SLC39A8: variants seen among roughly 807,000 people sequenced by gnomAD.
The protein encoded by SLC39A8 is metal cation symporter ZIP8.
SLC39A8 carries 15 observed loss-of-function variants against 40.4 expected under a neutral mutation model. The ratio of observed to expected loss-of-function variants is 0.37; its 90% CI spans 0.25 to 0.57. SLC39A8 has a LOEUF of 0.57. Ranked by LOEUF, SLC39A8 falls within the 20% of genes least tolerant of loss-of-function variation. The pLI is 0.75. For synonymous variants in SLC39A8, 223 were observed against 221.6 expected (o/e 1.01, Z -0.06); for missense variants, 472 against 558.8 (o/e 0.84, Z 1.57).
intron 6 of SLC39A8, among the ~76,000 whole-genome samples, chr4:102,268,676 G>A (rs1434146043): frequency 6.6e-6 from 1 of 152,168 alleles, no homozygotes. Context: ...GAGGGTTTAG[G>A]CTGTAACAAT....
intron 2 of SLC39A8, among the ~76,000 whole-genome samples, chr4:102,334,865 A>G (rs1166258577): frequency 2.6e-5 from 4 of 152,230 alleles, no homozygotes; most frequent in African/African-American, 9.6e-5. Context: ...AGTTTCCTCA[A>G]GGGAATAACA....
chr4:102,289,888 G>A (rs1733346217), intron 6 of SLC39A8, among the ~76,000 whole-genome samples: 1 of 152,124 alleles, frequency 6.6e-6, no homozygotes, highest in African/African-American at 2.4e-5. Context: ...ACGTTGAAAT[G>A]ACAACAAAGG....
chr4:102,341,294 A>T (rs1430791153), intron 2 of SLC39A8, among the ~76,000 whole-genome samples: 1 of 152,228 alleles, frequency 6.6e-6, no homozygotes, highest in Non-Finnish European at 1.5e-5. Flanking sequence ...GATAATTTAG[A>T]AAATAGGATC....
At chr4:102,269,527 A>G (rs917214381) in intron 6 of SLC39A8, among the ~76,000 whole-genome samples, 1 of 152,256 alleles carries the variant, frequency 6.6e-6, no homozygotes, top group African/African-American at 2.4e-5. Context: ...TGTGCTAGGC[A>G]CTGTTCTAAG....
intron 6 of SLC39A8, among the ~76,000 whole-genome samples, chr4:102,290,631 T>C (rs1213295938): frequency 6.6e-6 from 1 of 151,778 alleles, no homozygotes; most frequent in Non-Finnish European, 1.5e-5. Context: ...CATGGTTGAG[T>C]TTGTAGGTGT....
intron 2 of SLC39A8, among the ~76,000 whole-genome samples, chr4:102,326,157 G>T (rs1735189538): frequency 6.6e-6 from 1 of 152,176 alleles, no homozygotes; most frequent in Admixed American, 6.5e-5. Context: ...AAGATCAAAA[G>T]CCTTTGTTTC....
At chr4:102,313,955 C>T (rs1327651672) in intron 3 of SLC39A8, among the ~76,000 whole-genome samples, 2 of 151,960 alleles carry the variant, frequency 1.3e-5, no homozygotes, top group Non-Finnish European at 2.9e-5. Flanking sequence ...TGAAAGCAAT[C>T]TCCTCTCCAA....
Position 102,267,580 on chromosome 4 carries a change from A to G in SLC39A8, c.1143T>C (p.Ala381=). Residue 381 remains alanine, a synonymous_variant, in exon 8 of 9, where the codon GCT becomes GCC. Coordinates refer to ENST00000356736, the MANE Select transcript of SLC39A8 (RefSeq NM_001135146.2). ...LSACSCYVGL[A]FGILVGNNFA... is the part of the protein sequence containing the mutation. ...AATTGTTGCCCACCAAAATGCCAAA[A>G]GCTAGCCCAACATAGCAGGAACATG... 1 of 1,614,126 alleles carries G rather than the reference A, an allele frequency of 6.2e-7. No individual in the cohort carries two copies.
intron 6 of SLC39A8, among the ~76,000 whole-genome samples, chr4:102,303,201 C>A (rs1281198638): frequency 2.6e-5 from 4 of 151,982 alleles, no homozygotes; most frequent in South Asian, 2.1e-4. Flanking sequence ...GCTGAGTAAA[C>A]CTGGAGGGGT....
chr4:102,289,097 T>G (rs2149022586), intron 6 of SLC39A8, among the ~76,000 whole-genome samples: 1 of 152,190 alleles, frequency 6.6e-6, no homozygotes, highest in African/African-American at 2.4e-5. Flanking sequence ...TTGTTTGGGG[T>G]TAATGCAGCT....
chr4:102,281,206 C>T (rs956634618), intron 6 of SLC39A8, among the ~76,000 whole-genome samples: 51 of 152,206 alleles, frequency 3.4e-4, no homozygotes, highest in African/African-American at 1.2e-3. Flanking sequence ...TCAGGAGGCA[C>T]CAGGAAATTG....
chr4:102,255,669 T>C (rs1731691763), intron 11 of SLC39A8, among the ~76,000 whole-genome samples: 1 of 152,170 alleles, frequency 6.6e-6, no homozygotes, highest in Non-Finnish European at 1.5e-5. Flanking sequence ...GAGAAACCAG[T>C]TTCTAAAAGG....
At chr4:102,290,592 A>G (rs1733385167) in intron 6 of SLC39A8, among the ~76,000 whole-genome samples, 1 of 152,114 alleles carries the variant, frequency 6.6e-6, no homozygotes. Context: ...TAGATGGGCC[A>G]CCACTCTGTA....
chr4:102,274,939 G>A (rs754820186), intron 6 of SLC39A8, among the ~76,000 whole-genome samples: 1 of 152,134 alleles, frequency 6.6e-6, no homozygotes, highest in Non-Finnish European at 1.5e-5. Context: ...CCTTACAAGA[G>A]CTCTGAAGGA....
rs1159421672 is a variant in SLC39A8, at chr4:102,320,481, TGA to T, written c.220-4653_220-4652del. Among the ~76,000 whole-genome samples the T allele has an allele frequency of 4.7e-4, 39 of 83,598 alleles. 1 individual carries two copies. In the East Asian group the frequency reaches 9.3e-3, roughly 20 times the overall value. 54.8% of individuals were successfully genotyped at this position (83,598 alleles called of 152,430 possible). On this transcript the variant is annotated intron_variant, in intron 2 of 8. Coordinates refer to ENST00000356736, the MANE Select transcript of SLC39A8 (RefSeq NM_001135146.2). ...ATATATACATATGAGAATATATATA[TGA>T]GAGTATATATATATGAGAATATATA...
chr4:102,312,931 G>T (rs1734506662), intron 3 of SLC39A8, among the ~76,000 whole-genome samples: 1 of 152,034 alleles, frequency 6.6e-6, no homozygotes, highest in Non-Finnish European at 1.5e-5. Flanking sequence ...ATTAGTCAAG[G>T]GTAGTATCCT....
chr4:102,300,431 A>G (rs1487043981), intron 6 of SLC39A8, among the ~76,000 whole-genome samples: 1 of 152,076 alleles, frequency 6.6e-6, no homozygotes, highest in Non-Finnish European at 1.5e-5. Context: ...ATGAGCCAGA[A>G]TTGCTTGGAT....
At chr4:102,299,528 T>C (rs1733824799) in intron 6 of SLC39A8, among the ~76,000 whole-genome samples, 2 of 151,978 alleles carry the variant, frequency 1.3e-5, no homozygotes, top group Admixed American at 1.3e-4. Flanking sequence ...ACTTGTTGAA[T>C]GAATTATGTG....
intron 3 of SLC39A8, among the ~76,000 whole-genome samples, chr4:102,313,207 T>G (rs951867089): frequency 1.1e-4 from 17 of 152,156 alleles, no homozygotes; most frequent in Non-Finnish European, 2.4e-4. Context: ...CTGGGCTGAA[T>G]CTGGCTCTAC....
Sources: gnomAD v4.1 joint callset for allele counts (sites outside exome capture counted in the v4.1 genomes callset) on GRCh38, gnomAD v4.1.1 for gene constraint, MANE v1.5 for transcripts, NCBI Gene and HGNC (gene_info 2026-07-23, HGNC 2026-07-21) for gene names.